NUB1: variants seen among roughly 807,000 people sequenced by gnomAD.
NUB1 encodes NEDD8 ultimate buster 1.
In NUB1, 41 loss-of-function variants were observed where a neutral mutation model predicts 77.1. The ratio of observed to expected loss-of-function variants is 0.53; its 90% CI spans 0.41 to 0.69. The LOEUF is 0.69. Ranked by LOEUF, NUB1 falls within the 30% of genes least tolerant of loss-of-function variation. The pLI is 0.00. For synonymous variants in NUB1, 257 were observed against 281.0 expected, an observed-to-expected ratio of 0.91 and a Z score of 0.85; for missense variants, 643 against 743.8, an observed-to-expected ratio of 0.86 and a Z score of 1.58.
chr7:151,346,456 TG>T (rs1452435099), intron 2 of NUB1, among the ~76,000 whole-genome samples: 1 of 152,216 alleles, frequency 6.6e-6, no homozygotes, highest in Admixed American at 6.5e-5. Context: ...AGCTTCAGGA[TG>T]GGGCTGGTCA....
At chr7:151,364,051 C>A (rs11970791) in intron 8 of NUB1, among the ~76,000 whole-genome samples, 2,411 of 151,674 alleles carry the variant, frequency 0.016, 79 homozygotes, top group African/African-American at 0.056. Flanking sequence ...GCCTCAGCCT[C>A]CCAAAGTGCT....
chr7:151,355,899 GAAA>G lies in NUB1; in HGVS notation c.550_552del (p.Lys184del). 1 of 1,613,910 alleles carries G rather than the reference GAAA, an allele frequency of 6.2e-7. No individual in the cohort carries two copies. The highest frequency in any genetic ancestry group is 8.5e-7 in the Non-Finnish European group (1 of 1,179,864). The stretch of plus-strand genomic sequence containing the variant: ...GGAGCAAAATGAGGCCAAACTCAAA[GAAA>G]AACAAATTCAGAGGACCAAGAGAGG... On this transcript the variant is annotated inframe_deletion, in exon 6 of 15. Transcript: ENST00000568733.
At chr7:151,363,743 C>T (rs1233193088) in intron 8 of NUB1, among the ~76,000 whole-genome samples, 1 of 147,090 alleles carries the variant, frequency 6.8e-6, no homozygotes, top group Non-Finnish European at 1.5e-5. Flanking sequence ...TTTTAGCTAA[C>T]CTTTCTTGAA....
chr7:151,363,833 A>G (rs1797502985), intron 8 of NUB1, among the ~76,000 whole-genome samples: 1 of 151,966 alleles, frequency 6.6e-6, no homozygotes, highest in Admixed American at 6.6e-5. Context: ...GCTGTAGTGC[A>G]GTGACGCAAT....
In NUB1 at chr7:151,349,149, G is replaced by T; in HGVS notation, c.194G>T (p.Cys65Phe). 1.9e-6 allele frequency: 3 copies of T among 1,613,642 alleles called. No individual in the cohort carries two copies. Among genetic ancestry groups the T allele is most frequent in the Middle Eastern group, 3.3e-4 (2 of 6,048 alleles). ...EVEKVIEEIR[C>F]KAIERGTGND... ...GAAAAGGTAATAGAAGAAATACGTT[G>T]CAAGGCAATTGAGCGTGGAACAGGA... Residue 65 changes from cysteine (C) to phenylalanine (F), a missense_variant, in exon 3 of 15, where the codon TGC (cysteine) becomes TTC (phenylalanine). Transcript: ENST00000568733.
At chr7:151,352,253 C>A in intron 4 of NUB1, 1 of 435,426 alleles carries the variant, frequency 2.3e-6, no homozygotes, top group Non-Finnish European at 4.7e-6. Flanking sequence ...GGATCTACAG[C>A]ACTGTGGTCT....
At position 151,377,386 on chromosome 7, in the gene NUB1, T is replaced by C; in HGVS notation, c.*161T>C. 1 of 506,474 alleles carries C rather than the reference T, an allele frequency of 2.0e-6. No individual in the cohort carries two copies. The highest frequency in any genetic ancestry group is 3.4e-6 in the Non-Finnish European group (1 of 293,874). 31.4% of individuals were successfully genotyped at this position (506,474 alleles called of 1,614,324 possible). A position where few individuals can be genotyped will look rare whatever the true frequency, so the allele number is the denominator to read the frequency against. ...CAAGTCCAGGAGGGGTCCCAGGGCC[T>C]TCATGCGTGGTCTCGGGGAAGAAGC... On this transcript the variant is annotated 3_prime_UTR_variant, in exon 15 of 15. Transcript: ENST00000568733.
At chr7:151,342,728 C>A (rs965760833) in intron 1 of NUB1, among the ~76,000 whole-genome samples, 1 of 152,144 alleles carries the variant, frequency 6.6e-6, no homozygotes, top group South Asian at 2.1e-4. Flanking sequence ...TTCGGTGTAA[C>A]CCTGGAGCTC....
At chr7:151,350,232 C>T (rs981379563) in intron 3 of NUB1, among the ~76,000 whole-genome samples, 1 of 152,264 alleles carries the variant, frequency 6.6e-6, no homozygotes, top group South Asian at 2.1e-4. Context: ...TGAAGCACAG[C>T]GTCACAGGGA....
At chr7:151,374,726 T>C (rs1328685809) in intron 12 of NUB1, 1 of 174,870 alleles carries the variant, frequency 5.7e-6, no homozygotes, top group Non-Finnish European at 1.2e-5. Flanking sequence ...CAGACAGCAG[T>C]GACTTTACCT....
rs1386469671 is a variant in NUB1, at chr7:151,367,888, T to C, written c.1015T>C (p.Phe339Leu). ...AAATTGTGGGAAAGAGAAGGTACTGTTTCTAAGACTCTACTTACTTCAAGG... is the reference window on the plus strand; with the variant it reads ...AAATTGTGGGAAAGAGAAGGTACTGCTTCTAAGACTCTACTTACTTCAAGG... Reference protein sequence around the residue: ...KGNCGKEKVLFLRLYLLQGIR... With the variant: ...KGNCGKEKVLLLRLYLLQGIR... The change falls in exon 10 of 15, where the codon TTT (phenylalanine) becomes CTT (leucine). Residue 339 changes from phenylalanine (F) to leucine (L), a missense_variant. Coordinates refer to ENST00000568733, the MANE Select transcript of NUB1 (RefSeq NM_001243351.2). The C allele has an allele frequency of 6.2e-7, 1 of 1,600,398 alleles. No homozygotes were observed. The highest frequency in any genetic ancestry group is 8.5e-7 in the Non-Finnish European group (1 of 1,172,356).
At chr7:151,344,867 G>A (rs1335333628) in intron 1 of NUB1, among the ~76,000 whole-genome samples, 1 of 152,094 alleles carries the variant, frequency 6.6e-6, no homozygotes, top group Non-Finnish European at 1.5e-5. Context: ...GGGCGTGGTG[G>A]CGCATGCCTG....
intron 13 of NUB1, chr7:151,376,360 C>T (rs908495729): frequency 5.8e-5 from 29 of 501,152 alleles, no homozygotes; most frequent in South Asian, 4.5e-4. Flanking sequence ...TCGCGGTGCT[C>T]GTGGTGAGGC....
intron 12 of NUB1, chr7:151,374,574 T>A: frequency 2.5e-6 from 1 of 400,178 alleles, no homozygotes; most frequent in Admixed American, 4.0e-5. Context: ...AAAAAGAGAA[T>A]GGGAATTCAA....
At chr7:151,359,508 G>A (rs1019785117) in intron 7 of NUB1, among the ~76,000 whole-genome samples, 6 of 151,852 alleles carry the variant, frequency 4.0e-5, no homozygotes, top group Non-Finnish European at 5.9e-5. Context: ...GCCGGGCACC[G>A]TGGCTCACGC....
At position 151,355,764 on chromosome 7, in the gene NUB1, A is replaced by G; in HGVS notation, c.416-4A>G. 6.4e-7 allele frequency: 1 copy of G among 1,573,094 alleles called. No homozygotes were observed. The highest frequency in any genetic ancestry group is 8.6e-7 in the Non-Finnish European group (1 of 1,160,564). ...AAAATAATAGGCAGTTCTGATTTTT[A>G]TAGGGAAAACCCTTGAAGAACAAGG... On this transcript the variant is annotated splice_region_variant and splice_polypyrimidine_tract_variant and intron_variant, in intron 5 of 14. Transcript: ENST00000568733.
At chr7:151,347,605 A>G (rs1300414015) in intron 2 of NUB1, among the ~76,000 whole-genome samples, 1 of 152,114 alleles carries the variant, frequency 6.6e-6, no homozygotes, top group Non-Finnish European at 1.5e-5. Flanking sequence ...CTACAGGTGC[A>G]TGCCACCATG....
intron 8 of NUB1, among the ~76,000 whole-genome samples, chr7:151,364,555 C>G (rs559613256): frequency 6.6e-6 from 1 of 152,120 alleles, no homozygotes; most frequent in South Asian, 2.1e-4. Context: ...GACGGAGTCT[C>G]GCTCTGTCGC....
At chr7:151,344,370 G>A (rs2150656935) in intron 1 of NUB1, among the ~76,000 whole-genome samples, 1 of 151,000 alleles carries the variant, frequency 6.6e-6, no homozygotes, top group African/African-American at 2.4e-5. Context: ...GAGTGCAGTG[G>A]TGCCATCTCG....
Sources: allele counts gnomAD v4.1 joint callset (sites outside exome capture counted in the v4.1 genomes callset), GRCh38; gene constraint gnomAD v4.1.1; transcripts MANE v1.5; gene names NCBI Gene and HGNC (gene_info 2026-07-23, HGNC 2026-07-21).